Variants in GLP2R observed in about 807,000 individuals in gnomAD.
GLP2R encodes glucagon like peptide 2 receptor.
A neutral mutation model predicts 68.2 loss-of-function variants in GLP2R; 59 were observed. The ratio of observed to expected loss-of-function variants is 0.87; its 90% CI spans 0.70 to 1.07. The LOEUF is 1.07. Ranked by LOEUF, GLP2R falls within the 50% of genes least tolerant of loss-of-function variation. The pLI is 0.00. For synonymous variants in GLP2R, 270 were observed against 265.4 expected, an observed-to-expected ratio of 1.02 and a Z score of -0.17; for missense variants, 548 against 677.4, an observed-to-expected ratio of 0.81 and a Z score of 2.12.
chr17:9,880,507 C>T lies in GLP2R; in HGVS notation c.1275C>T (p.Ser425=), dbSNP rs774561462. 3.8e-6 allele frequency: 6 copies of T among 1,595,828 alleles called. No individual in the cohort carries two copies. Among genetic ancestry groups the T allele is most frequent in the East Asian group, 2.2e-5 (1 of 44,446 alleles). The change falls in exon 11 of 13, where the codon AGC becomes AGT. Residue 425 remains serine (S), a synonymous_variant. Coordinates refer to ENST00000262441, the MANE Select transcript of GLP2R (RefSeq NM_004246.3). ...GACTTTTCATTCAGTTGACACTGAG[C>T]TCCTTTCATGTAAGTAGAAATCTGA... ...LIRLFIQLTL[S]SFHGFLVALQ... is the part of the protein sequence containing the mutation.
intron 10 of GLP2R, 63 bp from the exon 11 acceptor site, chr17:9,880,315 A>G: frequency 9.7e-7 from 1 of 1,035,114 alleles, no homozygotes; most frequent in Non-Finnish European, 1.5e-6. Context: ...GGCATGGAAG[A>G]GCAGGAAATG....
intron 2 of GLP2R, among the ~76,000 whole-genome samples, chr17:9,836,056 A>G (rs968958475): frequency 5.9e-5 from 9 of 151,986 alleles, no homozygotes; most frequent in East Asian, 3.9e-4. Flanking sequence ...AAAAAAAAAA[A>G]AAAAGAAAGA....
intron 9 of GLP2R, chr17:9,865,909 T>C (rs769406681): frequency 4.2e-6 from 2 of 471,184 alleles, no homozygotes; most frequent in African/African-American, 2.0e-5. Context: ...CATTTAACCA[T>C]GAACTTGTAA....
chr17:9,838,113 G>A (rs903629932), intron 3 of GLP2R, among the ~76,000 whole-genome samples: 9 of 152,138 alleles, frequency 5.9e-5, no homozygotes, highest in Non-Finnish European at 1.2e-4. Flanking sequence ...GAGATAACTC[G>A]CTGGATCGGA....
At chr17:9,872,572 C>A (rs2067105092) in intron 10 of GLP2R, among the ~76,000 whole-genome samples, 1 of 152,094 alleles carries the variant, frequency 6.6e-6, no homozygotes, top group African/African-American at 2.4e-5. Context: ...AGCAAAACTC[C>A]ATCTCAAAAA....
intron 4 of GLP2R, among the ~76,000 whole-genome samples, chr17:9,844,197 G>A (rs1194292775): frequency 6.6e-6 from 1 of 152,222 alleles, no homozygotes; most frequent in Non-Finnish European, 1.5e-5. Flanking sequence ...TGGAGGTAGA[G>A]GCCTCGGGAG....
chr17:9,845,748 C>CATGTGT (rs1555570275), intron 4 of GLP2R, among the ~76,000 whole-genome samples: 1 of 148,352 alleles, frequency 6.7e-6, no homozygotes, highest in Non-Finnish European at 1.5e-5. Flanking sequence ...TGTGTGTGTG[C>CATGTGT]GTGTGTGTGT....
chr17:9,873,466 A>T (rs912961176), intron 10 of GLP2R, among the ~76,000 whole-genome samples: 2 of 151,794 alleles, frequency 1.3e-5, no homozygotes, highest in African/African-American at 4.8e-5. Flanking sequence ...TGCGGGATAG[A>T]ACCTCACAGA....
intron 12 of GLP2R, among the ~76,000 whole-genome samples, chr17:9,889,113 C>T (rs1311551314): frequency 5.9e-5 from 9 of 152,188 alleles, no homozygotes; most frequent in Admixed American, 5.9e-4. Context: ...TTTCAGCTCA[C>T]ATGCCACCCC....
chr17:9,871,362 G>C (rs1226703157), intron 10 of GLP2R, among the ~76,000 whole-genome samples: 1 of 147,606 alleles, frequency 6.8e-6, no homozygotes, highest in Non-Finnish European at 1.5e-5. Flanking sequence ...AAAAAAAAAA[G>C]TTTCTAAGAA....
intron 11 of GLP2R, among the ~76,000 whole-genome samples, chr17:9,886,140 A>T (rs1367664444): frequency 6.6e-6 from 1 of 152,198 alleles, no homozygotes; most frequent in Non-Finnish European, 1.5e-5. Flanking sequence ...TAGAGACTCC[A>T]CCATGGGAAT....
In GLP2R at chr17:9,891,630, C is replaced by A. The variant is rs2067291560; in HGVS notation, c.*1925C>A. 1 of 152,218 alleles carries A rather than the reference C, an allele frequency of 6.6e-6. No individual in the cohort carries two copies. Among genetic ancestry groups the A allele is most frequent in the East Asian group, 1.9e-4 (1 of 5,206 alleles). 9.4% of individuals were successfully genotyped at this position (152,218 alleles called of 1,614,324 possible). A position where few individuals can be genotyped will look rare whatever the true frequency, so the allele number is the denominator to read the frequency against. ...TTTTGCACTTGAAATGGGATCCCCA[C>A]TTGTGTCACCCCATAGTCCAGCCCT... On this transcript the variant is annotated 3_prime_UTR_variant, in exon 13 of 13. Coordinates refer to ENST00000262441, the MANE Select transcript of GLP2R (RefSeq NM_004246.3).
intron 10 of GLP2R, among the ~76,000 whole-genome samples, chr17:9,875,136 C>T (rs1444169704): frequency 7.9e-5 from 12 of 152,216 alleles, no homozygotes; most frequent in African/African-American, 4.8e-5. Flanking sequence ...TAACTCCCTG[C>T]GCTGGTAAAT....
At chr17:9,874,619 C>T (rs1161382453) in intron 10 of GLP2R, among the ~76,000 whole-genome samples, 2 of 152,182 alleles carry the variant, frequency 1.3e-5, no homozygotes, top group Non-Finnish European at 2.9e-5. Context: ...CATCTATATT[C>T]TTGAGTGGCT....
chr17:9,860,948 G>A (rs1212679455), intron 7 of GLP2R, among the ~76,000 whole-genome samples, 191 bp from the exon 8 acceptor site: 2 of 152,164 alleles, frequency 1.3e-5, no homozygotes, highest in Middle Eastern at 3.2e-3. Context: ...TCTGGGCCCT[G>A]GTTTCTTGGG....
At chr17:9,854,951 G>A (rs2066922440) in intron 5 of GLP2R, among the ~76,000 whole-genome samples, 1 of 152,138 alleles carries the variant, frequency 6.6e-6, no homozygotes, top group South Asian at 2.1e-4. Flanking sequence ...TTTTTGTGAT[G>A]ATCAAGGAAT....
chr17:9,864,482 G>A (rs909581924), intron 9 of GLP2R, among the ~76,000 whole-genome samples: 1 of 143,604 alleles, frequency 7.0e-6, no homozygotes, highest in Non-Finnish European at 1.6e-5. Flanking sequence ...AGTTTTTTCT[G>A]TTTTTTTGTT....
chr17:9,848,321 C>T (rs1318582401), intron 4 of GLP2R, among the ~76,000 whole-genome samples: 1 of 152,144 alleles, frequency 6.6e-6, no homozygotes, highest in Non-Finnish European at 1.5e-5. Flanking sequence ...ACTATCACCC[C>T]CAAACCTCTG....
In GLP2R at chr17:9,851,696, G is replaced by T. The variant is rs565436803; in HGVS notation, c.505-2799G>T. Among the ~76,000 whole-genome samples, 11 of 150,272 alleles carry T rather than the reference G, an allele frequency of 7.3e-5. No homozygotes were observed. The South Asian group carries it at 2.1e-3, about 29-fold the overall frequency. The stretch of plus-strand genomic sequence containing the variant: ...ACTGCAAAAAATGATAACAGAGAAA[G>T]AAAAAAACATACGACATAGACATTT... On this transcript the variant is annotated intron_variant, in intron 4 of 12. Coordinates refer to ENST00000262441, the MANE Select transcript of GLP2R (RefSeq NM_004246.3).
Sources: gnomAD v4.1 joint callset for allele counts (sites outside exome capture counted in the v4.1 genomes callset) on GRCh38, gnomAD v4.1.1 for gene constraint, MANE v1.5 for transcripts, NCBI Gene and HGNC (gene_info 2026-07-23, HGNC 2026-07-21) for gene names.